Variants in GPR157 observed in about 807,000 individuals in gnomAD.
The protein encoded by GPR157 is G-protein coupled receptor 157.
Under a neutral mutation model 23.5 loss-of-function variants are expected in GPR157, and 16 were observed. That is an observed-to-expected ratio of 0.68 (90% CI 0.46 to 1.04). The LOEUF is 1.04. Among genes scored for constraint, GPR157 ranks in the 50% least tolerant of loss-of-function variants. GPR157 has a pLI of 0.00. For missense variants in GPR157, 440 were observed against 460.7 expected, an observed-to-expected ratio of 0.96 and a Z score of 0.41; for synonymous variants, 200 against 221.5, an observed-to-expected ratio of 0.90 and a Z score of 0.86.
rs762170177 is a variant in GPR157, at chr1:9,128,538, C to T, written c.383+107G>A. On this transcript the variant is annotated intron_variant, in intron 1 of 3. Coordinates refer to ENST00000377411, the MANE Select transcript of GPR157 (RefSeq NM_024980.5). The surrounding 1 kb of genome is among the most constrained non-coding windows in gnomAD (Gnocchi z 6.3). ...CGGGGGCGCCAGCAGGCACTGCTTGCTGTGGGTAGGGGGTGTCCAACCTAG... is the reference window on the plus strand; with the variant it reads ...CGGGGGCGCCAGCAGGCACTGCTTGTTGTGGGTAGGGGGTGTCCAACCTAG... 8.4e-6 allele frequency: 9 copies of T among 1,072,220 alleles called. No homozygotes were observed. The East Asian group carries it at 2.0e-4, about 24-fold the overall frequency. The allele number at this position is 1,072,220 out of a possible 1,614,324, so 66.4% of individuals were successfully genotyped here.
intron 1 of GPR157, among the ~76,000 whole-genome samples, chr1:9,127,121 C>T (rs1053505936): frequency 7.9e-5 from 12 of 152,112 alleles, no homozygotes; most frequent in Non-Finnish European, 1.0e-4. Flanking sequence ...TCAAGCGATG[C>T]TCCTGCCTCG....
intron 1 of GPR157, among the ~76,000 whole-genome samples, chr1:9,113,750 C>G (rs1318413989): frequency 6.6e-6 from 1 of 151,844 alleles, no homozygotes; most frequent in African/African-American, 2.4e-5. Flanking sequence ...TTGAGACCAG[C>G]CTGGCCAACA....
intron 1 of GPR157, among the ~76,000 whole-genome samples, chr1:9,127,905 G>C (rs1366248490): frequency 1.3e-5 from 2 of 152,114 alleles, no homozygotes; most frequent in African/African-American, 4.8e-5. Context: ...GGGAAGGGCC[G>C]ACCCTCTTCA....
chr1:9,112,898 G>A (rs1051338302), intron 1 of GPR157, among the ~76,000 whole-genome samples: 1 of 152,288 alleles, frequency 6.6e-6, no homozygotes, highest in Admixed American at 6.5e-5. Context: ...GGCAGGTAGT[G>A]GGGTAGTTAA....
intron 1 of GPR157, among the ~76,000 whole-genome samples, chr1:9,126,380 TTGAG>T (rs1308325170): frequency 2.0e-5 from 3 of 152,246 alleles, no homozygotes; most frequent in African/African-American, 4.8e-5. Context: ...ACTATTTTGC[TTGAG>T]TATGTCCTTT....
At chr1:9,122,934 A>G (rs1638829775) in intron 1 of GPR157, among the ~76,000 whole-genome samples, 1 of 151,820 alleles carries the variant, frequency 6.6e-6, no homozygotes, top group Non-Finnish European at 1.5e-5. Context: ...AGGTGGGTGG[A>G]TCACTTGAGG....
intron 1 of GPR157, among the ~76,000 whole-genome samples, chr1:9,112,588 G>C (rs1638537205): frequency 1.3e-5 from 2 of 152,204 alleles, no homozygotes; most frequent in Non-Finnish European, 2.9e-5. Context: ...AAGTAGCTGA[G>C]ATTACAGGCG....
chr1:9,123,750 A>G (rs1292604798), intron 1 of GPR157, among the ~76,000 whole-genome samples: 1 of 128,434 alleles, frequency 7.8e-6, no homozygotes, highest in Non-Finnish European at 1.6e-5. Context: ...TTAATATTAT[A>G]TATTTAATAT....
Position 9,120,788 on chromosome 1 carries a change from C to T in GPR157, c.383+7857G>A, listed in dbSNP as rs561056027. On this transcript the variant is annotated intron_variant, in intron 1 of 3. Coordinates refer to ENST00000377411, the MANE Select transcript of GPR157 (RefSeq NM_024980.5). The surrounding 1 kb of genome is among the most constrained non-coding windows in gnomAD (Gnocchi z 4.1). Reference sequence around the variant, plus strand: ...CTCCTGCCAAGTTGCTGGTGCTCAGCGCTCTGCCATGAGCTTCCTGCTGCA... The same window carrying T: ...CTCCTGCCAAGTTGCTGGTGCTCAGTGCTCTGCCATGAGCTTCCTGCTGCA... 9.2e-5 allele frequency among the ~76,000 whole-genome samples: 14 copies of T among 152,348 alleles called. No homozygotes were observed. In the East Asian group the frequency reaches 2.1e-3, roughly 23 times the overall value.
In GPR157 at chr1:9,113,956, A is replaced by AACACACAC. The variant is rs35650719; in HGVS notation, c.384-2475_384-2468dup. Among the ~76,000 whole-genome samples, 692 of 121,880 alleles carry AACACACAC rather than the reference A, an allele frequency of 5.7e-3. 2 individuals are homozygous for AACACACAC. Among genetic ancestry groups the AACACACAC allele is most frequent in the African/African-American group, 0.01 (326 of 31,292 alleles). The allele number at this position is 121,880 out of a possible 152,430, so 80.0% of individuals were successfully genotyped here. A position where few individuals can be genotyped will look rare whatever the true frequency, so the allele number is the denominator to read the frequency against. The stretch of plus-strand genomic sequence containing the variant: ...AGACCCTGTCTCAAAAAAAAAACCA[A>AACACACAC]ACACACACACACACACACACACACA... On this transcript the variant is annotated intron_variant, in intron 1 of 3. Transcript: ENST00000377411.
chr1:9,102,837 A>G lies in GPR157; in HGVS notation c.*1582T>C, dbSNP rs1383857459. 2 of 152,204 alleles carry G rather than the reference A, an allele frequency of 1.3e-5. No individual in the cohort carries two copies. Among genetic ancestry groups the G allele is most frequent in the Non-Finnish European group, 2.9e-5 (2 of 68,028 alleles). 9.4% of individuals were successfully genotyped at this position (152,204 alleles called of 1,614,324 possible). On this transcript the variant is annotated 3_prime_UTR_variant, in exon 4 of 4. Coordinates refer to ENST00000377411, the MANE Select transcript of GPR157 (RefSeq NM_024980.5). The stretch of plus-strand genomic sequence containing the variant: ...CTTACTTTCAATTCTTTTCTTTTAA[A>G]TGTAAATAATCGCTCCATGCTCCAT...
At chr1:9,117,929 T>G (rs570041417) in intron 1 of GPR157, among the ~76,000 whole-genome samples, 163 of 152,082 alleles carry the variant, frequency 1.1e-3, no homozygotes, top group Non-Finnish European at 1.6e-3. Context: ...ACTGCACATA[T>G]GAAAAAGACC....
chr1:9,127,194 G>T (rs751110618), intron 1 of GPR157, among the ~76,000 whole-genome samples: 7 of 152,036 alleles, frequency 4.6e-5, no homozygotes, highest in Non-Finnish European at 8.8e-5. Flanking sequence ...CTTTATCAAA[G>T]AAGCCCTTCC....
At chr1:9,127,405 C>T (rs1638982875) in intron 1 of GPR157, among the ~76,000 whole-genome samples, 1 of 152,186 alleles carries the variant, frequency 6.6e-6, no homozygotes, top group African/African-American at 2.4e-5. Context: ...ACAGCCTCGA[C>T]TCCTTCCAAG....
In GPR157 at chr1:9,103,072, C is replaced by T. The variant is rs1642584760; in HGVS notation, c.*1347G>A. 7.1e-6 allele frequency: 1 copy of T among 141,808 alleles called. No homozygotes were observed. The highest frequency in any genetic ancestry group is 2.3e-4 in the South Asian group (1 of 4,370). The allele number at this position is 141,808 out of a possible 1,614,324, so 8.8% of individuals were successfully genotyped here. On this transcript the variant is annotated 3_prime_UTR_variant, in exon 4 of 4. Transcript: ENST00000377411. ...GGACTACAGGCACGCACCACCACAT[C>T]AGCTCCGGGCGACAGAATGAGGCTC...
rs543061940 is a variant in GPR157 at position 9,110,771 on chromosome 1, CA to C, written c.597+504del. The stretch of plus-strand genomic sequence containing the variant: ...ATTTCTGAATTCTGGAAACCCCTGC[CA>C]TTTAGGATATAATAAATCACTAGGA... On this transcript the variant is annotated intron_variant, in intron 2 of 3. Transcript: ENST00000377411. Among the ~76,000 whole-genome samples the C allele has an allele frequency of 3.0e-4, 45 of 152,292 alleles. No individual in the cohort carries two copies. In the South Asian group the frequency reaches 9.3e-3, roughly 32 times the overall value.
intron 2 of GPR157, among the ~76,000 whole-genome samples, chr1:9,107,614 G>A (rs1452882646): frequency 6.6e-6 from 1 of 151,770 alleles, no homozygotes; most frequent in Non-Finnish European, 1.5e-5. Context: ...GTGAAACCCC[G>A]ACTCTACTAA....
intron 2 of GPR157, among the ~76,000 whole-genome samples, chr1:9,110,228 A>G (rs1638449417): frequency 6.6e-6 from 1 of 152,152 alleles, no homozygotes; most frequent in African/African-American, 2.4e-5. Context: ...CTCGGTAAAA[A>G]CATACTGAAT....
In GPR157 at chr1:9,120,967, C is replaced by A. The variant is rs1165566250; in HGVS notation, c.383+7678G>T. ...ACTGCATCCATCCCTCATTCAGATG[C>A]CACTGCCTGGGGAGACGGGCCAGCT... On this transcript the variant is annotated intron_variant, in intron 1 of 3. Coordinates refer to ENST00000377411, the MANE Select transcript of GPR157 (RefSeq NM_024980.5). The surrounding 1 kb of genome is among the most constrained non-coding windows in gnomAD (Gnocchi z 4.1). 6.6e-6 allele frequency among the ~76,000 whole-genome samples: 1 copy of A among 152,236 alleles called. No individual in the cohort carries two copies. The highest frequency in any genetic ancestry group is 1.5e-5 in the Non-Finnish European group (1 of 68,038).
Sources: gnomAD v4.1 joint callset for allele counts (sites outside exome capture counted in the v4.1 genomes callset) on GRCh38, gnomAD v4.1.1 for gene constraint, Gnocchi (gnomAD v3.1) non-coding constraint, MANE v1.5 for transcripts, NCBI Gene and HGNC (gene_info 2026-07-23, HGNC 2026-07-21) for gene names.